Variants in CACUL1 observed in about 807,000 individuals in gnomAD.
CACUL1 encodes CDK2-associated and cullin domain-containing protein 1.
CACUL1 carries 13 observed loss-of-function variants against 45.2 expected under a neutral mutation model. The observed-to-expected ratio is 0.29, with a 90% CI of 0.19 to 0.46. The LOEUF is 0.46. Among genes scored for constraint, CACUL1 ranks in the 20% least tolerant of loss-of-function variants. The pLI is 1.00. For missense variants in CACUL1, 421 were observed against 471.4 expected, an observed-to-expected ratio of 0.89 and a Z score of 0.99; for synonymous variants, 197 against 174.2, an observed-to-expected ratio of 1.13 and a Z score of -1.03.
At chr10:118,742,706 T>G (rs558459254) in intron 1 of CACUL1, among the ~76,000 whole-genome samples, 1 of 152,288 alleles carries the variant, frequency 6.6e-6, no homozygotes, top group South Asian at 2.1e-4. Context: ...GCCATGATAT[T>G]ACCTGAAACC....
In CACUL1 at chr10:118,693,934, T is replaced by G. The variant is rs1199340447; in HGVS notation, c.886+1207A>C. On this transcript the variant is annotated intron_variant, in intron 6 of 8. Transcript: ENST00000369151. Reference sequence around the variant, plus strand: ...GTAGCCTAAGGGTTTTGTTTTGTTTTGATGGAGTCTCACTCTATCGCCCAG... The same window carrying G: ...GTAGCCTAAGGGTTTTGTTTTGTTTGGATGGAGTCTCACTCTATCGCCCAG... Among the ~76,000 whole-genome samples, 3 of 152,224 alleles carry G rather than the reference T, an allele frequency of 2.0e-5. No individual in the cohort carries two copies. In the East Asian group the frequency reaches 5.8e-4, roughly 29 times the overall value.
Position 118,682,247 on chromosome 10 carries a change from G to A in CACUL1, c.*3881C>T, listed in dbSNP as rs1048706616. 1 of 152,204 alleles carries A rather than the reference G, an allele frequency of 6.6e-6. No homozygotes were observed. Among genetic ancestry groups the A allele is most frequent in the Non-Finnish European group, 1.5e-5 (1 of 68,028 alleles). 9.4% of individuals were successfully genotyped at this position (152,204 alleles called of 1,614,324 possible). On this transcript the variant is annotated 3_prime_UTR_variant, in exon 9 of 9. Coordinates refer to ENST00000369151, the MANE Select transcript of CACUL1 (RefSeq NM_153810.5). ...CTAATGTAGGTTGTTTTGCTTTTTAGTTGCAAAGCTTTTCAGTATCTCAGA... is the reference window on the plus strand; with the variant it reads ...CTAATGTAGGTTGTTTTGCTTTTTAATTGCAAAGCTTTTCAGTATCTCAGA...
intron 3 of CACUL1, among the ~76,000 whole-genome samples, chr10:118,726,017 T>A (rs1845648746): frequency 6.6e-6 from 1 of 152,230 alleles, no homozygotes; most frequent in African/African-American, 2.4e-5. Context: ...AATCATTGAT[T>A]TATCAACTCC....
chr10:118,701,009 A>AATT (rs1845374565), intron 5 of CACUL1, among the ~76,000 whole-genome samples: 1 of 152,130 alleles, frequency 6.6e-6, no homozygotes, highest in African/African-American at 2.4e-5. Context: ...TGAACTTCCT[A>AATT]ATAATACTTT....
chr10:118,702,208 T>A (rs983491609), intron 4 of CACUL1, among the ~76,000 whole-genome samples: 10 of 152,186 alleles, frequency 6.6e-5, no homozygotes, highest in African/African-American at 2.4e-4. Context: ...TTCCACTACC[T>A]ACACAAATCC....
At position 118,695,133 on chromosome 10, in the gene CACUL1, A is replaced by G. The variant is rs1289639632; in HGVS notation, c.886+8T>C. The G allele has an allele frequency of 2.7e-6, 4 of 1,508,714 alleles. No homozygotes were observed. Among genetic ancestry groups the G allele is most frequent in the Non-Finnish European group, 3.7e-6 (4 of 1,084,278 alleles). The allele number at this position is 1,508,714 out of a possible 1,614,324, so 93.5% of individuals were successfully genotyped here. A position where few individuals can be genotyped will look rare whatever the true frequency, so the allele number is the denominator to read the frequency against. On this transcript the variant is annotated splice_region_variant and intron_variant, in intron 6 of 8. Coordinates refer to ENST00000369151, the MANE Select transcript of CACUL1 (RefSeq NM_153810.5). Reference sequence around the variant, plus strand: ...GTTCCAATCCCAACAGAAATGAGAAATGTTTACCTGGTCTGAGGGTATACA... The same window carrying G: ...GTTCCAATCCCAACAGAAATGAGAAGTGTTTACCTGGTCTGAGGGTATACA...
At chr10:118,709,906 A>T (rs1227342359) in intron 3 of CACUL1, among the ~76,000 whole-genome samples, 4 of 150,584 alleles carry the variant, frequency 2.7e-5, no homozygotes, top group African/African-American at 4.9e-5. Context: ...TTAAATTATT[A>T]TTTTTTTTTG....
intron 3 of CACUL1, among the ~76,000 whole-genome samples, chr10:118,709,241 CA>C (rs1408954159): frequency 3.7e-4 from 56 of 152,210 alleles, no homozygotes; most frequent in African/African-American, 1.2e-3. Flanking sequence ...CTTGCTGTGT[CA>C]GGGGTGGGAG....
In CACUL1 at chr10:118,678,443, G is replaced by T. The variant is rs1845118109; in HGVS notation, c.*7685C>A. 6.6e-6 allele frequency: 1 copy of T among 152,130 alleles called. No homozygotes were observed. Among genetic ancestry groups the T allele is most frequent in the South Asian group, 2.1e-4 (1 of 4,824 alleles). 9.4% of individuals were successfully genotyped at this position (152,130 alleles called of 1,614,324 possible). The stretch of plus-strand genomic sequence containing the variant: ...TTCCCCTCACAATCCATTCAGAAAG[G>T]TCTTGGATATCCTTGGCCCTTTGCT... On this transcript the variant is annotated 3_prime_UTR_variant, in exon 9 of 9. Coordinates refer to ENST00000369151, the MANE Select transcript of CACUL1 (RefSeq NM_153810.5).
At chr10:118,733,187 C>T (rs1845712759) in intron 1 of CACUL1, among the ~76,000 whole-genome samples, 3 of 152,148 alleles carry the variant, frequency 2.0e-5, no homozygotes, top group African/African-American at 4.8e-5. Context: ...AATGTAAAGT[C>T]CTGCAGTTCT....
chr10:118,687,050 T>G (rs1276710281), intron 7 of CACUL1, among the ~76,000 whole-genome samples: 3 of 152,240 alleles, frequency 2.0e-5, no homozygotes, highest in Non-Finnish European at 2.9e-5. Flanking sequence ...TAAGTTGATT[T>G]CTTCCTGAAA....
At chr10:118,690,724 AC>A (rs1845257083) in intron 7 of CACUL1, among the ~76,000 whole-genome samples, 1 of 152,202 alleles carries the variant, frequency 6.6e-6, no homozygotes, top group African/African-American at 2.4e-5. Context: ...TGCCCACCTA[AC>A]TGCTCACCCA....
intron 4 of CACUL1, among the ~76,000 whole-genome samples, chr10:118,703,757 TAAAGTA>T (rs1845407166): frequency 6.6e-6 from 1 of 152,180 alleles, no homozygotes; most frequent in Non-Finnish European, 1.5e-5. Context: ...TTTCACTAAC[TAAAGTA>T]AGTTAGCGGA....
At chr10:118,721,523 A>G (rs1008759646) in intron 3 of CACUL1, among the ~76,000 whole-genome samples, 9 of 152,154 alleles carry the variant, frequency 5.9e-5, no homozygotes, top group Admixed American at 5.2e-4. Flanking sequence ...AAATACTTAA[A>G]ACTACTGTAA....
rs146307468 is a variant in CACUL1, at chr10:118,733,290, A to G, written c.368-2880T>C. ...ACTTAAAAACCAAATTGAAAAAGGC[A>G]TGTGTCACAGTAGAGAATCTTAAAC... On this transcript the variant is annotated intron_variant, in intron 1 of 8. Coordinates refer to ENST00000369151, the MANE Select transcript of CACUL1 (RefSeq NM_153810.5). Among the ~76,000 whole-genome samples the G allele has an allele frequency of 6.0e-3, 911 of 152,352 alleles. 5 individuals are homozygous for G. The highest frequency in any genetic ancestry group is 0.038 in the South Asian group (184 of 4,830).
At chr10:118,689,667 C>T (rs1412976512) in intron 7 of CACUL1, among the ~76,000 whole-genome samples, 1 of 152,136 alleles carries the variant, frequency 6.6e-6, no homozygotes, top group Non-Finnish European at 1.5e-5. Context: ...CTCATCTCAT[C>T]CCAAGCAAAT....
Position 118,685,126 on chromosome 10 carries a change from C to T in CACUL1, c.*1002G>A, listed in dbSNP as rs1845191223. The T allele has an allele frequency of 6.6e-6, 1 of 152,106 alleles. No homozygotes were observed. Among genetic ancestry groups the T allele is most frequent in the South Asian group, 2.1e-4 (1 of 4,816 alleles). 9.4% of individuals were successfully genotyped at this position (152,106 alleles called of 1,614,324 possible). ...CATTTAAAATGAAGTGATCAGGAAC[C>T]CCACACCACTGTGTATTTGGACTTA... On this transcript the variant is annotated 3_prime_UTR_variant, in exon 9 of 9. Transcript: ENST00000369151.
intron 5 of CACUL1, among the ~76,000 whole-genome samples, chr10:118,697,922 CTTTAT>C (rs1845338191): frequency 6.6e-6 from 1 of 152,132 alleles, no homozygotes; most frequent in Admixed American, 6.5e-5. Flanking sequence ...ATAGAAGCCA[CTTTAT>C]TTTATAAGCA....
chr10:118,690,777 G>A (rs1845257692), intron 7 of CACUL1, among the ~76,000 whole-genome samples: 1 of 152,226 alleles, frequency 6.6e-6, no homozygotes, highest in Admixed American at 6.5e-5. Context: ...CGGGCATGGT[G>A]GCTCATGCCT....
Sources: allele counts gnomAD v4.1 joint callset (sites outside exome capture counted in the v4.1 genomes callset), GRCh38; gene constraint gnomAD v4.1.1; transcripts MANE v1.5; gene names NCBI Gene and HGNC (gene_info 2026-07-23, HGNC 2026-07-21).